Variants in DAPL1 observed in about 807,000 individuals in gnomAD.
DAPL1 encodes death associated protein like 1.
A neutral mutation model predicts 12.9 loss-of-function variants in DAPL1; 17 were observed. The ratio of observed to expected loss-of-function variants is 1.32; its 90% CI spans 0.90 to 1.98. The LOEUF is 1.98. Ranked by LOEUF, DAPL1 falls within the 30% of genes most tolerant of loss-of-function variation. The pLI is 0.00. For missense variants in DAPL1, 157 were observed against 125.7 expected, an observed-to-expected ratio of 1.25 and a Z score of -1.19; for synonymous variants, 51 against 42.0, an observed-to-expected ratio of 1.21 and a Z score of -0.82.
intron 3 of DAPL1, among the ~76,000 whole-genome samples, chr2:158,813,814 C>T (rs2059245919): frequency 6.6e-6 from 1 of 152,282 alleles, no homozygotes; most frequent in South Asian, 2.1e-4. Flanking sequence ...CTTGGCCTCC[C>T]AAAGTGCTGG....
chr2:158,807,108 T>C lies in DAPL1; in HGVS notation c.200T>C (p.Leu67Pro), dbSNP rs757636116. 1.2e-5 allele frequency: 19 copies of C among 1,609,260 alleles called. No individual in the cohort carries two copies. The highest frequency in any genetic ancestry group is 1.5e-5 in the Non-Finnish European group (18 of 1,176,808). ...ACACTGGATGCCCTGAATGACGCACTGGAGAAGGTGAGCCGTGGGCAAATC... is the reference window on the plus strand; with the variant it reads ...ACACTGGATGCCCTGAATGACGCACCGGAGAAGGTGAGCCGTGGGCAAATC... ...IQTLDALNDA[L>P]EKLNYKFPAT... Residue 67 changes from leucine to proline, a missense_variant, in exon 3 of 4, where the codon CTG becomes CCG. Coordinates refer to ENST00000309950, the MANE Select transcript of DAPL1 (RefSeq NM_001017920.3).
At chr2:158,813,786 A>C (rs1575231638) in intron 3 of DAPL1, among the ~76,000 whole-genome samples, 1 of 152,064 alleles carries the variant, frequency 6.6e-6, no homozygotes, top group Admixed American at 6.5e-5. Flanking sequence ...CGATCGCCTG[A>C]CCTCATGATC....
intron 1 of DAPL1, among the ~76,000 whole-genome samples, chr2:158,803,310 T>C (rs1348605999): frequency 6.6e-6 from 1 of 152,222 alleles, no homozygotes; most frequent in Admixed American, 6.5e-5. Context: ...ATAAATTAAG[T>C]AATAATTGTA....
chr2:158,809,976 G>A (rs1481043506), intron 3 of DAPL1, among the ~76,000 whole-genome samples: 1 of 152,212 alleles, frequency 6.6e-6, no homozygotes, highest in African/African-American at 2.4e-5. Flanking sequence ...GTGTGGGACT[G>A]AGTAGGAGGA....
At chr2:158,811,074 G>A (rs1402693527) in intron 3 of DAPL1, among the ~76,000 whole-genome samples, 1 of 152,148 alleles carries the variant, frequency 6.6e-6, no homozygotes, top group Non-Finnish European at 1.5e-5. Context: ...AAAGTATCCA[G>A]TTAAAACATC....
chr2:158,796,962 A>T (rs976369706), intron 1 of DAPL1, among the ~76,000 whole-genome samples: 2 of 152,244 alleles, frequency 1.3e-5, no homozygotes, highest in Admixed American at 6.5e-5. Context: ...AGCACAAGGG[A>T]ACAAAGAAGT....
At chr2:158,801,087 C>T (rs1247402492) in intron 1 of DAPL1, among the ~76,000 whole-genome samples, 1 of 152,192 alleles carries the variant, frequency 6.6e-6, no homozygotes, top group Non-Finnish European at 1.5e-5. Flanking sequence ...AGGTGATCCA[C>T]CTGCCTCGGC....
In DAPL1 at chr2:158,807,967, G is replaced by T. The variant is rs138710787; in HGVS notation, c.207+852G>T. Among the ~76,000 whole-genome samples, 21 of 152,266 alleles carry T rather than the reference G, an allele frequency of 1.4e-4. No individual in the cohort carries two copies. In the East Asian group the frequency reaches 3.9e-3, roughly 28 times the overall value. On this transcript the variant is annotated intron_variant, in intron 3 of 3. Coordinates refer to ENST00000309950, the MANE Select transcript of DAPL1 (RefSeq NM_001017920.3). ...AGCCATATGTCCTGAATTCCTTCTA[G>T]GTAGTTCTAGAAACTCAGAAAACTC...
At chr2:158,807,500 G>T (rs2059209066) in intron 3 of DAPL1, among the ~76,000 whole-genome samples, 1 of 152,164 alleles carries the variant, frequency 6.6e-6, no homozygotes, top group African/African-American at 2.4e-5. Context: ...CCTATAAGGA[G>T]ATATTGATTT....
intron 2 of DAPL1, 90 bp downstream of exon 2, chr2:158,804,459 A>G: frequency 2.2e-6 from 2 of 899,988 alleles, no homozygotes; most frequent in East Asian, 5.7e-5. Context: ...AAGGCTCCCT[A>G]TGCCTTTGGA....
chr2:158,805,525 C>T (rs960681296), intron 2 of DAPL1, among the ~76,000 whole-genome samples: 1 of 149,648 alleles, frequency 6.7e-6, no homozygotes, highest in Non-Finnish European at 1.5e-5. Context: ...CCTATTCATT[C>T]TGTATCTAAA....
In DAPL1 at chr2:158,795,404, C is replaced by T; in HGVS notation, c.32C>T (p.Pro11Leu). ...AATGAAGTGCAAGACCTGCTCTCCC[C>T]TCGGAAAGGGGGACATCCTCCTGCA... MANEVQDLLS[P>L]RKGGHPPAVK... Residue 11 changes from proline (P) to leucine (L), a missense_variant, in exon 1 of 4, where the codon CCT becomes CTT. By Grantham distance (98) the Pro-to-Leu change is moderately conservative (BLOSUM62 -3). Coordinates refer to ENST00000309950, the MANE Select transcript of DAPL1 (RefSeq NM_001017920.3). 6.4e-7 allele frequency: 1 copy of T among 1,555,948 alleles called. No individual in the cohort carries two copies. The highest frequency in any genetic ancestry group is 8.7e-7 in the Non-Finnish European group (1 of 1,149,428).
chr2:158,809,166 T>C (rs931690316), intron 3 of DAPL1, among the ~76,000 whole-genome samples: 2 of 151,860 alleles, frequency 1.3e-5, no homozygotes, highest in African/African-American at 4.8e-5. Flanking sequence ...AAGACCAGCC[T>C]GGCCAATATG....
intron 1 of DAPL1, among the ~76,000 whole-genome samples, chr2:158,797,668 G>C (rs2059142049): frequency 1.3e-5 from 2 of 152,182 alleles, no homozygotes; most frequent in South Asian, 4.2e-4. Flanking sequence ...GCATGTGCCT[G>C]TAATCCCAGC....
chr2:158,806,856 T>A (rs985386566), intron 2 of DAPL1, among the ~76,000 whole-genome samples, 199 bp from the exon 3 acceptor site: 3 of 150,262 alleles, frequency 2.0e-5, no homozygotes, highest in African/African-American at 7.4e-5. Context: ...AAAATAATAA[T>A]AATAATAATA....
intron 3 of DAPL1, among the ~76,000 whole-genome samples, chr2:158,809,219 G>A (rs891448541): frequency 3.7e-4 from 56 of 151,892 alleles, no homozygotes; most frequent in African/African-American, 9.7e-4. Context: ...TTAGCCTGGC[G>A]TGGTGGCAGG....
At chr2:158,806,970 G>C in intron 2 of DAPL1, 85 bp from the exon 3 acceptor site, 1 of 1,003,018 alleles carries the variant, frequency 1.0e-6, no homozygotes, top group South Asian at 1.4e-5. Context: ...TAAAAGGCTG[G>C]AGAGACAGCC....
chr2:158,806,986 T>C (rs1378485652), intron 2 of DAPL1, 69 bp from the exon 3 acceptor site: 4 of 1,157,446 alleles, frequency 3.5e-6, no homozygotes, highest in African/African-American at 3.0e-5. Context: ...CAGCCCTCTA[T>C]AAATCATGTG....
chr2:158,811,686 T>TC (rs1404096515), intron 3 of DAPL1, among the ~76,000 whole-genome samples: 1 of 152,224 alleles, frequency 6.6e-6, no homozygotes, highest in Non-Finnish European at 1.5e-5. Flanking sequence ...AGGATCCTTG[T>TC]ACATATACTG....
Sources: gnomAD v4.1 joint callset for allele counts (sites outside exome capture counted in the v4.1 genomes callset) on GRCh38, gnomAD v4.1.1 for gene constraint, MANE v1.5 for transcripts, NCBI Gene and HGNC (gene_info 2026-07-23, HGNC 2026-07-21) for gene names.